The following C10orf90 variants were observed in gnomAD, a reference collection of about 807,000 sequenced individuals.
C10orf90 encodes the protein (E2-independent) E3 ubiquitin-conjugating enzyme FATS.
C10orf90 carries 56 observed loss-of-function variants against 62.5 expected under a neutral mutation model. That is an observed-to-expected ratio of 0.90 (90% confidence interval 0.72 to 1.12). C10orf90 has a LOEUF of 1.12. Ranked by LOEUF, C10orf90 falls within the 50% of genes most tolerant of loss-of-function variation. The pLI is 0.00. For missense variants in C10orf90, 970 were observed against 880.4 expected, an observed-to-expected ratio of 1.10 and a Z score of -1.29; for synonymous variants, 386 against 340.4, an observed-to-expected ratio of 1.13 and a Z score of -1.47.
At chr10:126,450,731 C>T (rs1050761058) in intron 7 of C10orf90, among the ~76,000 whole-genome samples, 3 of 152,092 alleles carry the variant, frequency 2.0e-5, no homozygotes, top group Admixed American at 6.5e-5. Context: ...TCCTGAAACT[C>T]TAAAACTACT....
intron 2 of C10orf90, among the ~76,000 whole-genome samples, chr10:126,631,365 G>T (rs544337828): frequency 6.6e-6 from 1 of 152,080 alleles, no homozygotes; most frequent in Non-Finnish European, 1.5e-5. Context: ...TCCTCAAAAC[G>T]TTTGCAGATC....
At chr10:126,565,315 T>C (rs1844342501) in intron 2 of C10orf90, among the ~76,000 whole-genome samples, 1 of 60,578 alleles carries the variant, frequency 1.7e-5, no homozygotes. Flanking sequence ...TATTATATTA[T>C]ATATATTATA....
At chr10:126,650,770 A>T (rs1355502182) in intron 1 of C10orf90, among the ~76,000 whole-genome samples, 1 of 152,194 alleles carries the variant, frequency 6.6e-6, no homozygotes, top group Non-Finnish European at 1.5e-5. Context: ...TTTTAAAGTT[A>T]TATATAACAA....
chr10:126,429,365 A>C (rs1451178353), intron 8 of C10orf90, among the ~76,000 whole-genome samples: 1 of 152,202 alleles, frequency 6.6e-6, no homozygotes, highest in African/African-American at 2.4e-5. Context: ...TCTGCCTCCA[A>C]GGTTGGATCC....
intron 2 of C10orf90, among the ~76,000 whole-genome samples, chr10:126,552,711 C>T (rs903349373): frequency 6.6e-5 from 10 of 152,258 alleles, no homozygotes; most frequent in Non-Finnish European, 1.3e-4. Flanking sequence ...GCAGTACCTG[C>T]CGCGCATATG....
At chr10:126,568,297 A>G (rs1268977101) in intron 2 of C10orf90, among the ~76,000 whole-genome samples, 2 of 152,118 alleles carry the variant, frequency 1.3e-5, no homozygotes, top group African/African-American at 4.8e-5. Flanking sequence ...GAAGCTTGGG[A>G]TCCTCCTCCC....
intron 2 of C10orf90, among the ~76,000 whole-genome samples, chr10:126,589,850 G>A (rs2842170): frequency 0.94 from 143,545 of 152,266 alleles, 67,811 homozygotes; most frequent in Non-Finnish European, 0.97. Context: ...TTCACATATA[G>A]CAATATTAAC....
In C10orf90 at chr10:126,504,596, T is replaced by C; in HGVS notation, c.895A>G (p.Ser299Gly). 1 of 1,614,196 alleles carries C rather than the reference T, an allele frequency of 6.2e-7. No individual in the cohort carries two copies. The highest frequency in any genetic ancestry group is 2.2e-5 in the East Asian group (1 of 44,874). Residue 299 changes from serine (S) to glycine (G), a missense_variant, in exon 4 of 10, where the codon AGC becomes GGC. Physicochemically the swap from Ser to Gly is moderately conservative, Grantham distance 56. Transcript: ENST00000488181. The surrounding 1 kb of genome is among the most constrained non-coding windows in gnomAD (Gnocchi z 4.1). Reference protein sequence around the residue: ...SFACTEFSRNSSVVRLKVPEA... With the variant: ...SFACTEFSRNGSVVRLKVPEA... ...GGAACCTTCAGCCGCACCACGGAGC[T>C]GTTTCTGGAGAACTCTGTGCAGGCA...
chr10:126,667,350 A>T (rs1281859585), intron 1 of C10orf90, among the ~76,000 whole-genome samples: 1 of 152,084 alleles, frequency 6.6e-6, no homozygotes, highest in Non-Finnish European at 1.5e-5. Context: ...GAGCCACCAC[A>T]CCCAGCTGAC....
intron 8 of C10orf90, among the ~76,000 whole-genome samples, chr10:126,427,689 G>C (rs1381345874): frequency 6.6e-6 from 1 of 152,072 alleles, no homozygotes; most frequent in Admixed American, 6.5e-5. Context: ...CAGATTCTTC[G>C]GCCTCTGGAC....
At chr10:126,565,749 C>T (rs1281470416) in intron 2 of C10orf90, among the ~76,000 whole-genome samples, 1 of 152,094 alleles carries the variant, frequency 6.6e-6, no homozygotes, top group African/African-American at 2.4e-5. Flanking sequence ...AGAGTCTCAT[C>T]AGCCTTTGAT....
intron 2 of C10orf90, among the ~76,000 whole-genome samples, chr10:126,560,368 C>T (rs143206415): frequency 1.4e-3 from 208 of 152,302 alleles, no homozygotes; most frequent in African/African-American, 4.8e-3. Flanking sequence ...GCTGAAGGTT[C>T]GAGGCACGGT....
intron 2 of C10orf90, among the ~76,000 whole-genome samples, chr10:126,527,487 T>C (rs1216457108): frequency 6.6e-6 from 1 of 152,226 alleles, no homozygotes; most frequent in Non-Finnish European, 1.5e-5. Context: ...AAAGAAGCAG[T>C]GACGATTCTC....
intron 2 of C10orf90, among the ~76,000 whole-genome samples, chr10:126,580,202 G>A (rs929415242): frequency 3.3e-5 from 5 of 152,212 alleles, no homozygotes; most frequent in Non-Finnish European, 7.3e-5. Flanking sequence ...AGGGCATGTG[G>A]ATGCCCACCG....
chr10:126,600,906 C>G (rs752390083), intron 2 of C10orf90, among the ~76,000 whole-genome samples: 1 of 152,176 alleles, frequency 6.6e-6, no homozygotes, highest in Non-Finnish European at 1.5e-5. Flanking sequence ...CCTGGCAGTA[C>G]TATTTACAGT....
At chr10:126,470,596 A>G (rs1860531848) in intron 4 of C10orf90, among the ~76,000 whole-genome samples, 1 of 151,838 alleles carries the variant, frequency 6.6e-6, no homozygotes, top group Non-Finnish European at 1.5e-5. Flanking sequence ...AAACAAACAA[A>G]CAAACTAGCC....
At chr10:126,474,481 A>C (rs1860750889) in intron 4 of C10orf90, among the ~76,000 whole-genome samples, 1 of 152,220 alleles carries the variant, frequency 6.6e-6, no homozygotes, top group Non-Finnish European at 1.5e-5. Context: ...CTACTCTCAG[A>C]AAAAGGACTA....
chr10:126,441,481 C>A (rs952784407), intron 7 of C10orf90, among the ~76,000 whole-genome samples: 1 of 152,088 alleles, frequency 6.6e-6, no homozygotes, highest in Non-Finnish European at 1.5e-5. Context: ...TCGAGGAAAA[C>A]TTCCCTGGCC....
intron 4 of C10orf90, among the ~76,000 whole-genome samples, chr10:126,476,716 G>C (rs1004147852): frequency 6.6e-6 from 1 of 152,182 alleles, no homozygotes; most frequent in Non-Finnish European, 1.5e-5. Flanking sequence ...TCTTCGCTGA[G>C]AGTAACTCAT....
Sources: allele counts gnomAD v4.1 joint callset (sites outside exome capture counted in the v4.1 genomes callset), GRCh38; gene constraint gnomAD v4.1.1; non-coding constraint Gnocchi (gnomAD v3.1); transcripts MANE v1.5; gene names NCBI Gene and HGNC (gene_info 2026-07-23, HGNC 2026-07-21).